The following CENPE variants were observed in gnomAD, a reference collection of about 807,000 sequenced individuals.
CENPE encodes centromere protein E.
CENPE carries 145 observed loss-of-function variants against 336.1 expected under a neutral mutation model. The observed-to-expected ratio is 0.43, with a 90% CI of 0.38 to 0.50. The LOEUF (loss-of-function observed/expected upper bound fraction) is 0.50. Ranked by LOEUF, CENPE falls within the 20% of genes least tolerant of loss-of-function variation. The pLI is 0.00. For synonymous variants in CENPE, 1,013 were observed against 984.8 expected (o/e 1.03, Z -0.54); for missense variants, 2,719 against 3,023.3 (o/e 0.90, Z 2.36).
chr4:103,136,263 G>A lies in CENPE; in HGVS notation c.6400C>T (p.Leu2134Phe), dbSNP rs778469656. Residue 2134 changes from leucine to phenylalanine, a missense_variant, in exon 40 of 49, where the codon CTT (leucine) becomes TTT (phenylalanine). Physicochemically the swap from Leu to Phe is conservative, Grantham distance 22. Transcript: ENST00000265148. ...LEKEIEFQKELSMRVKANLSL... is the reference protein window; with the variant it reads ...LEKEIEFQKEFSMRVKANLSL... ...AGGTTTGCTTTAACTCTCATTGAAA[G>A]CTCTTTTTGGAATTCAATTTCCTTC... 7.4e-6 allele frequency: 12 copies of A among 1,613,524 alleles called. No homozygotes were observed. Among genetic ancestry groups the A allele is most frequent in the East Asian group, 6.7e-5 (3 of 44,790 alleles).
intron 16 of CENPE, among the ~76,000 whole-genome samples, chr4:103,164,926 C>G (rs959570579): frequency 2.6e-5 from 4 of 152,068 alleles, no homozygotes; most frequent in African/African-American, 9.7e-5. Context: ...TCAATCTTAA[C>G]TTTTAAAAAT....
At chr4:103,163,076 A>G (rs905316079) in intron 18 of CENPE, 61 bp downstream of exon 18, 3 of 1,418,950 alleles carry the variant, frequency 2.1e-6, no homozygotes, top group Non-Finnish European at 2.9e-6. Flanking sequence ...AGCATTTGCT[A>G]AGATGATGGT....
intron 9 of CENPE, among the ~76,000 whole-genome samples, chr4:103,184,701 C>T (rs2126028953): frequency 6.6e-6 from 1 of 152,230 alleles, no homozygotes; most frequent in South Asian, 2.1e-4. Context: ...ACAATTCACA[C>T]AGTTTTAATT....
intron 44 of CENPE, among the ~76,000 whole-genome samples, chr4:103,117,390 T>G (rs1452390015): frequency 6.6e-6 from 1 of 152,164 alleles, no homozygotes; most frequent in African/African-American, 2.4e-5. Flanking sequence ...AAATGGCACA[T>G]GTCCATCATT....
chr4:103,183,079 T>C (rs1412703875), intron 10 of CENPE, 122 bp downstream of exon 10: 25 of 882,472 alleles, frequency 2.8e-5, no homozygotes, highest in Admixed American at 1.1e-4. Flanking sequence ...TATAATCATA[T>C]GTATAAGTTT....
intron 11 of CENPE, chr4:103,182,096 T>G (rs75319467): frequency 6.6e-6 from 1 of 151,904 alleles, no homozygotes; most frequent in Admixed American, 6.6e-5. Flanking sequence ...TTTTTTTTTT[T>G]GTTTTTTGTT....
rs536966492 is a variant in CENPE, at chr4:103,110,274, C to T, written c.7724+554G>A. Among the ~76,000 whole-genome samples, 6 of 152,264 alleles carry T rather than the reference C, an allele frequency of 3.9e-5. No individual in the cohort carries two copies. The East Asian group carries it at 7.7e-4, about 20-fold the overall frequency. The stretch of plus-strand genomic sequence containing the variant: ...CCCTCCACCCCTAACACCTAGATAA[C>T]GTTGGATCTCTCTCTTTCATAATAT... On this transcript the variant is annotated intron_variant, in intron 47 of 48. Transcript: ENST00000265148.
chr4:103,140,218 C>T, intron 37 of CENPE, 38 bp downstream of exon 37: 1 of 1,552,676 alleles, frequency 6.4e-7, no homozygotes. Flanking sequence ...TAATTTTGGG[C>T]ACAGTTACTT....
chr4:103,122,778 G>A, intron 43 of CENPE, 93 bp downstream of exon 43: 2 of 905,560 alleles, frequency 2.2e-6, no homozygotes, highest in South Asian at 3.1e-5. Flanking sequence ...AAATAAATGT[G>A]TTCATGTTCA....
chr4:103,140,511 TCA>T, intron 36 of CENPE, 97 bp from the exon 37 acceptor site: 1 of 937,620 alleles, frequency 1.1e-6, no homozygotes, highest in Non-Finnish European at 1.5e-6. Flanking sequence ...AATTATACAC[TCA>T]CAGTTAAAAA....
intron 24 of CENPE, among the ~76,000 whole-genome samples, chr4:103,153,940 A>G (rs545871945): frequency 6.6e-6 from 1 of 152,266 alleles, no homozygotes; most frequent in South Asian, 2.1e-4. Flanking sequence ...TTCTTAATAT[A>G]TGTATATTTT....
intron 43 of CENPE, among the ~76,000 whole-genome samples, chr4:103,120,954 T>C (rs1750572975): frequency 6.6e-6 from 1 of 152,190 alleles, no homozygotes; most frequent in Non-Finnish European, 1.5e-5. Context: ...CAGGCTGGTA[T>C]TGAATTCCTG....
At position 103,151,172 on chromosome 4, in the gene CENPE, A is replaced by T. The variant is rs370047822; in HGVS notation, c.3396+47T>A. 1.0e-5 allele frequency: 16 copies of T among 1,556,910 alleles called. No individual in the cohort carries two copies. The African/African-American group carries it at 2.0e-4, about 19-fold the overall frequency. On this transcript the variant is annotated intron_variant, in intron 26 of 48. Coordinates refer to ENST00000265148, the MANE Select transcript of CENPE (RefSeq NM_001813.3). The stretch of plus-strand genomic sequence containing the variant: ...ACAGAAATAAAAATTACCAAAAAAA[A>T]AGTTTAGTTAGAAAAAATGGCCAGG...
Position 103,178,452 on chromosome 4 carries a change from A to C in CENPE, c.1243-1406T>G, listed in dbSNP as rs72946179. Among the ~76,000 whole-genome samples the C allele has an allele frequency of 1.0e-2, 1,519 of 152,262 alleles. 28 individuals are homozygous for C. Among genetic ancestry groups the C allele is most frequent in the African/African-American group, 0.034 (1,429 of 41,550 alleles). On this transcript the variant is annotated intron_variant, in intron 13 of 48. Transcript: ENST00000265148. ...TATTTCACAAAGAAAGTATAAACCTAAACTCCTAAGAGTACTACCTGCACA... is the reference window on the plus strand; with the variant it reads ...TATTTCACAAAGAAAGTATAAACCTCAACTCCTAAGAGTACTACCTGCACA...
chr4:103,146,333 T>C (rs2125930301), intron 29 of CENPE, among the ~76,000 whole-genome samples: 1 of 152,324 alleles, frequency 6.6e-6, no homozygotes, highest in Admixed American at 6.5e-5. Context: ...GACAAAATGA[T>C]GAGACTTACA....
At chr4:103,173,757 C>A (rs1446857495) in intron 16 of CENPE, among the ~76,000 whole-genome samples, 1 of 151,810 alleles carries the variant, frequency 6.6e-6, no homozygotes, top group Non-Finnish European at 1.5e-5. Flanking sequence ...CAAAAGAAGA[C>A]ATACACATAA....
At chr4:103,166,734 A>C (rs1330936450) in intron 16 of CENPE, among the ~76,000 whole-genome samples, 1 of 152,184 alleles carries the variant, frequency 6.6e-6, no homozygotes, top group Non-Finnish European at 1.5e-5. Context: ...TAACTACATA[A>C]AACACTGGGT....
chr4:103,175,539 C>T (rs778827662), intron 15 of CENPE, among the ~76,000 whole-genome samples: 12 of 152,038 alleles, frequency 7.9e-5, no homozygotes, highest in Admixed American at 5.9e-4. Context: ...TCTTTAAACA[C>T]GAGCAATCTA....
chr4:103,132,137 T>A (rs987458437), intron 42 of CENPE, among the ~76,000 whole-genome samples: 3 of 152,214 alleles, frequency 2.0e-5, no homozygotes, highest in African/African-American at 7.2e-5. Context: ...TGTAGGTTCA[T>A]CGATTGTGCC....
Sources: allele counts gnomAD v4.1 joint callset (sites outside exome capture counted in the v4.1 genomes callset), GRCh38; gene constraint gnomAD v4.1.1; transcripts MANE v1.5; gene names NCBI Gene and HGNC (gene_info 2026-07-23, HGNC 2026-07-21).